The following PDE4B variants were observed in gnomAD, a reference collection of about 807,000 sequenced individuals.
PDE4B encodes phosphodiesterase 4B.
A neutral mutation model predicts 82.2 loss-of-function variants in PDE4B; 20 were observed. The observed-to-expected ratio is 0.24, with a 90% CI of 0.17 to 0.35. The LOEUF is 0.35. Among genes scored for constraint, PDE4B ranks in the 10% least tolerant of loss-of-function variants. The probability of loss-of-function intolerance (pLI) is 1.00; values close to 1 mark genes in which losing one functional copy is unlikely to be tolerated. For synonymous variants in PDE4B, 320 were observed against 318.9 expected (o/e 1.00, Z -0.04); for missense variants, 655 against 907.2 (o/e 0.72, Z 3.57).
At chr1:66,274,769 T>G (rs957694362) in intron 7 of PDE4B, among the ~76,000 whole-genome samples, 1 of 152,206 alleles carries the variant, frequency 6.6e-6, no homozygotes, top group Non-Finnish European at 1.5e-5. Context: ...TTATATAACA[T>G]GACTCAGATA....
chr1:66,008,657 A>G (rs1057175708), intron 3 of PDE4B, among the ~76,000 whole-genome samples: 1 of 152,028 alleles, frequency 6.6e-6, no homozygotes, highest in Non-Finnish European at 1.5e-5. Flanking sequence ...GTACTGCTCT[A>G]CTGGTTTCCT....
At chr1:66,357,968 C>T (rs910948224) in intron 9 of PDE4B, among the ~76,000 whole-genome samples, 2 of 152,092 alleles carry the variant, frequency 1.3e-5, no homozygotes, top group Non-Finnish European at 2.9e-5. Flanking sequence ...AACAAATAAA[C>T]GAAGTTTGTT....
rs903951141 is a variant in PDE4B at position 66,166,733 on chromosome 1, C to CAA, written c.282-80710_282-80709dup. 9.7e-3 allele frequency among the ~76,000 whole-genome samples: 586 copies of CAA among 60,638 alleles called. 5 individuals are homozygous for CAA. The highest frequency in any genetic ancestry group is 0.033 in the African/African-American group (559 of 16,772). 39.8% of individuals were successfully genotyped at this position (60,638 alleles called of 152,430 possible). A position where few individuals can be genotyped will look rare whatever the true frequency, so the allele number is the denominator to read the frequency against. Reference sequence around the variant, plus strand: ...TGGGCAATAGAGCAAGACTCTGTCTCAAAAAAAAAAAAAAAAAAGTGAAAG... The same window carrying CAA: ...TGGGCAATAGAGCAAGACTCTGTCTCAAAAAAAAAAAAAAAAAAAAGTGAAAG... On this transcript the variant is annotated intron_variant, in intron 3 of 16. Coordinates refer to ENST00000341517, the MANE Select transcript of PDE4B (RefSeq NM_002600.4).
chr1:66,345,478 G>A (rs1035795890), intron 8 of PDE4B, among the ~76,000 whole-genome samples: 12 of 152,106 alleles, frequency 7.9e-5, no homozygotes, highest in Admixed American at 7.2e-4. Context: ...TTTGATCATG[G>A]AACTTGGTTT....
chr1:66,134,145 T>G (rs1210601463), intron 3 of PDE4B, among the ~76,000 whole-genome samples: 1 of 152,184 alleles, frequency 6.6e-6, no homozygotes, highest in Non-Finnish European at 1.5e-5. Context: ...AAAGAACAGT[T>G]TTCTTGTTGT....
intron 1 of PDE4B, among the ~76,000 whole-genome samples, chr1:65,868,227 A>C (rs968037613): frequency 4.6e-5 from 7 of 152,210 alleles, no homozygotes; most frequent in African/African-American, 1.7e-4. Flanking sequence ...GCTGCCTCTG[A>C]TGAAATATAG....
At position 66,237,126 on chromosome 1, in the gene PDE4B, C is replaced by T. The variant is rs1652520906; in HGVS notation, c.282-10334C>T. Among the ~76,000 whole-genome samples the T allele has an allele frequency of 2.0e-5, 3 of 152,198 alleles. No homozygotes were observed. The South Asian group carries it at 6.2e-4, about 32-fold the overall frequency. On this transcript the variant is annotated intron_variant, in intron 3 of 16. Coordinates refer to ENST00000341517, the MANE Select transcript of PDE4B (RefSeq NM_002600.4). ...GAAAGATTCTGAAATATCATTTTTC[C>T]ACTTCTACTTTCTCTGCTTCCCTTT... is the stretch of plus-strand genomic sequence containing the variant.
At chr1:66,177,470 A>G (rs1334869528) in intron 3 of PDE4B, among the ~76,000 whole-genome samples, 1 of 152,240 alleles carries the variant, frequency 6.6e-6, no homozygotes, top group Non-Finnish European at 1.5e-5. Flanking sequence ...GTGACTTTGT[A>G]GAAATAACAT....
At chr1:66,231,280 C>T (rs1651928183) in intron 3 of PDE4B, among the ~76,000 whole-genome samples, 1 of 152,118 alleles carries the variant, frequency 6.6e-6, no homozygotes, top group Non-Finnish European at 1.5e-5. Flanking sequence ...ATTGAGGTGG[C>T]ACAGAAAACA....
At chr1:66,022,538 G>A (rs1474917484) in intron 3 of PDE4B, among the ~76,000 whole-genome samples, 1 of 152,072 alleles carries the variant, frequency 6.6e-6, no homozygotes, top group African/African-American at 2.4e-5. Flanking sequence ...TTTTGTTGAA[G>A]GCCCTTTCTG....
intron 3 of PDE4B, among the ~76,000 whole-genome samples, chr1:65,993,331 T>G (rs940745023): frequency 4.6e-5 from 7 of 152,230 alleles, no homozygotes; most frequent in African/African-American, 1.7e-4. Flanking sequence ...ATTGTGCTAC[T>G]AGCTTTTTCC....
At chr1:65,864,159 G>C (rs940449149) in intron 1 of PDE4B, among the ~76,000 whole-genome samples, 25 of 151,548 alleles carry the variant, frequency 1.6e-4, no homozygotes, top group African/African-American at 5.3e-4. Context: ...TTCAGGTATT[G>C]ATACTTGTGT....
intron 1 of PDE4B, among the ~76,000 whole-genome samples, chr1:65,876,324 T>C (rs1206548451): frequency 6.6e-6 from 1 of 152,090 alleles, no homozygotes; most frequent in Non-Finnish European, 1.5e-5. Flanking sequence ...CCCTAAAAAG[T>C]TGTCAGTATC....
At chr1:65,982,730 G>A (rs935091072) in intron 3 of PDE4B, among the ~76,000 whole-genome samples, 1 of 152,190 alleles carries the variant, frequency 6.6e-6, no homozygotes. Flanking sequence ...GGGATGAAGT[G>A]AAGGAAAATG....
At chr1:66,205,853 G>C (rs1649504159) in intron 3 of PDE4B, among the ~76,000 whole-genome samples, 1 of 152,192 alleles carries the variant, frequency 6.6e-6, no homozygotes, top group Non-Finnish European at 1.5e-5. Context: ...CTCATGCCCT[G>C]TTGCCTCCCC....
chr1:66,123,931 A>T (rs1303998726), intron 3 of PDE4B, among the ~76,000 whole-genome samples: 5 of 152,140 alleles, frequency 3.3e-5, no homozygotes, highest in Non-Finnish European at 7.4e-5. Flanking sequence ...ACAATACATA[A>T]CTTTTGTTCA....
intron 7 of PDE4B, among the ~76,000 whole-genome samples, chr1:66,274,589 C>G (rs540197599): frequency 6.6e-6 from 1 of 152,218 alleles, no homozygotes; most frequent in South Asian, 2.1e-4. Context: ...TTTCAAATTC[C>G]AGCCACACCA....
Position 66,125,910 on chromosome 1 carries a change from G to A in PDE4B, c.282-121550G>A, listed in dbSNP as rs149529223. ...CAACTTCTGCTTCCCAGGTTCAAGC[G>A]ATTCTCCTGCTTCAGCCTCCTGAGT... On this transcript the variant is annotated intron_variant, in intron 3 of 16. Transcript: ENST00000341517. Among the ~76,000 whole-genome samples the A allele has an allele frequency of 1.4e-4, 21 of 152,278 alleles. No individual in the cohort carries two copies. The East Asian group carries it at 3.9e-3, about 28-fold the overall frequency.
chr1:65,835,918 CTTTTT>C (rs902471101), intron 1 of PDE4B, among the ~76,000 whole-genome samples: 1 of 148,510 alleles, frequency 6.7e-6, no homozygotes, highest in African/African-American at 2.5e-5. Context: ...GCTTTACTCT[CTTTTT>C]TTTTTATTTA....
Sources: gnomAD v4.1 joint callset for allele counts (sites outside exome capture counted in the v4.1 genomes callset) on GRCh38, gnomAD v4.1.1 for gene constraint, MANE v1.5 for transcripts, NCBI Gene and HGNC (gene_info 2026-07-23, HGNC 2026-07-21) for gene names.